The following ITFG1 variants were observed in gnomAD, a reference collection of about 807,000 sequenced individuals.
ITFG1 encodes T-cell immunomodulatory protein.
A neutral mutation model predicts 81.8 loss-of-function variants in ITFG1; 34 were observed. The observed-to-expected ratio is 0.42, with a 90% CI of 0.32 to 0.55. The LOEUF (loss-of-function observed/expected upper bound fraction) is 0.55, where lower values mean the gene tolerates loss of function less well. ITFG1 is among the 20% of genes least tolerant of loss of function. ITFG1 has a pLI of 0.17. For missense variants in ITFG1, 672 were observed against 755.4 expected (o/e 0.89, Z 1.29); for synonymous variants, 285 against 270.6 (o/e 1.05, Z -0.52).
At chr16:47,206,967 T>TGGCCC (rs1965506986) in intron 14 of ITFG1, among the ~76,000 whole-genome samples, 1 of 152,242 alleles carries the variant, frequency 6.6e-6, no homozygotes, top group African/African-American at 2.4e-5. Flanking sequence ...TACATGGACC[T>TGGCCC]CTTTTTGCTT....
intron 14 of ITFG1, among the ~76,000 whole-genome samples, chr16:47,187,275 T>C (rs1965232676): frequency 1.3e-5 from 2 of 152,110 alleles, no homozygotes; most frequent in African/African-American, 4.8e-5. Flanking sequence ...AACGTTCATA[T>C]GGAAACAAAA....
At chr16:47,367,587 A>C (rs1968193367) in intron 7 of ITFG1, among the ~76,000 whole-genome samples, 1 of 152,320 alleles carries the variant, frequency 6.6e-6, no homozygotes, top group South Asian at 2.1e-4. Flanking sequence ...ATATTATCAC[A>C]ATCTGCAAGT....
At chr16:47,320,482 T>C (rs1413663283) in intron 8 of ITFG1, among the ~76,000 whole-genome samples, 3 of 152,236 alleles carry the variant, frequency 2.0e-5, no homozygotes, top group Non-Finnish European at 2.9e-5. Flanking sequence ...TGATATACAA[T>C]TGTGAGTTGT....
chr16:47,255,987 T>C (rs191397326), intron 12 of ITFG1, among the ~76,000 whole-genome samples: 3 of 152,128 alleles, frequency 2.0e-5, no homozygotes, highest in Admixed American at 1.3e-4. Context: ...TTTTATTTTT[T>C]TTTTTGAGAC....
chr16:47,349,624 C>T (rs141192225), intron 8 of ITFG1, among the ~76,000 whole-genome samples: 11 of 152,254 alleles, frequency 7.2e-5, no homozygotes, highest in African/African-American at 2.4e-4. Context: ...GACTTTAACA[C>T]CCAACTGTCA....
intron 8 of ITFG1, among the ~76,000 whole-genome samples, chr16:47,355,986 G>A (rs1374112360): frequency 6.6e-6 from 1 of 152,148 alleles, no homozygotes; most frequent in Non-Finnish European, 1.5e-5. Context: ...CACTGTTGGT[G>A]ACCATTACTG....
chr16:47,362,740 C>G (rs1306056637), intron 8 of ITFG1, among the ~76,000 whole-genome samples: 4 of 152,156 alleles, frequency 2.6e-5, no homozygotes, highest in African/African-American at 9.7e-5. Context: ...CTTATTAGCA[C>G]TTTTTCCATG....
At chr16:47,340,991 C>T (rs1174493557) in intron 8 of ITFG1, among the ~76,000 whole-genome samples, 2 of 152,046 alleles carry the variant, frequency 1.3e-5, no homozygotes, top group Non-Finnish European at 2.9e-5. Flanking sequence ...GTAAGAAGCA[C>T]ATTCTCTAAT....
At chr16:47,371,485 C>T (rs1475230539) in intron 7 of ITFG1, among the ~76,000 whole-genome samples, 1 of 152,154 alleles carries the variant, frequency 6.6e-6, no homozygotes, top group Non-Finnish European at 1.5e-5. Context: ...CCATTTTCTA[C>T]TTGAATTCCA....
intron 12 of ITFG1, among the ~76,000 whole-genome samples, chr16:47,251,512 A>G (rs983285688): frequency 6.6e-6 from 1 of 152,174 alleles, no homozygotes; most frequent in Non-Finnish European, 1.5e-5. Context: ...GCACAAGAAG[A>G]AAAGCAACAG....
rs183846026 is a variant in ITFG1, at chr16:47,434,489, C to A, written c.561-5591G>T. Among the ~76,000 whole-genome samples the A allele has an allele frequency of 1.6e-3, 249 of 152,044 alleles. 2 individuals carry two copies. Among genetic ancestry groups the A allele is most frequent in the Non-Finnish European group, 2.7e-3 (185 of 67,972 alleles). On this transcript the variant is annotated intron_variant, in intron 5 of 17. Transcript: ENST00000320640. ...ATCATTAGAGAAATGCAAATCAAAACCACAATGAGATACCATCTCATGCCT... is the reference window on the plus strand; with the variant it reads ...ATCATTAGAGAAATGCAAATCAAAAACACAATGAGATACCATCTCATGCCT...
At chr16:47,383,760 T>G (rs1243868353) in intron 6 of ITFG1, among the ~76,000 whole-genome samples, 1 of 152,128 alleles carries the variant, frequency 6.6e-6, no homozygotes, top group African/African-American at 2.4e-5. Context: ...AAAAATTAGC[T>G]GGGCATGGTG....
chr16:47,249,939 C>T (rs933031350), intron 12 of ITFG1, among the ~76,000 whole-genome samples: 1 of 152,184 alleles, frequency 6.6e-6, no homozygotes, highest in Non-Finnish European at 1.5e-5. Flanking sequence ...ATAGCCAAAG[C>T]TGTAAAGGTC....
At chr16:47,175,292 G>A (rs1965010730) in intron 14 of ITFG1, among the ~76,000 whole-genome samples, 1 of 150,552 alleles carries the variant, frequency 6.6e-6, no homozygotes, top group Non-Finnish European at 1.5e-5. Flanking sequence ...TTATCATGAG[G>A]AAATTTAAGA....
At chr16:47,332,775 G>A (rs1967652704) in intron 8 of ITFG1, among the ~76,000 whole-genome samples, 1 of 152,138 alleles carries the variant, frequency 6.6e-6, no homozygotes, top group South Asian at 2.1e-4. Flanking sequence ...CTCTATTTAG[G>A]AATGGCCCAG....
intron 14 of ITFG1, among the ~76,000 whole-genome samples, chr16:47,207,709 T>G (rs1567423605): frequency 6.6e-6 from 1 of 152,010 alleles, no homozygotes; most frequent in Non-Finnish European, 1.5e-5. Context: ...AGAACAGAGA[T>G]CCAGAACTTG....
intron 6 of ITFG1, among the ~76,000 whole-genome samples, chr16:47,389,082 T>C (rs1013469843): frequency 5.3e-5 from 8 of 152,166 alleles, no homozygotes; most frequent in African/African-American, 1.9e-4. Context: ...GGGCTCAGAC[T>C]TTCTGGACAT....
intron 6 of ITFG1, among the ~76,000 whole-genome samples, chr16:47,406,956 A>T (rs1204497301): frequency 6.6e-6 from 1 of 152,204 alleles, no homozygotes; most frequent in Admixed American, 6.5e-5. Flanking sequence ...CTTGTCTTGT[A>T]TTTAAGAAAC....
At chr16:47,332,846 T>C (rs1190214204) in intron 8 of ITFG1, among the ~76,000 whole-genome samples, 5 of 152,224 alleles carry the variant, frequency 3.3e-5, no homozygotes, top group Admixed American at 1.3e-4. Context: ...GATTTTCACG[T>C]CAGTCTTTCC....
Sources: allele counts gnomAD v4.1 joint callset (sites outside exome capture counted in the v4.1 genomes callset), GRCh38; gene constraint gnomAD v4.1.1; transcripts MANE v1.5; gene names NCBI Gene and HGNC (gene_info 2026-07-23, HGNC 2026-07-21).